Variants in NOX5 observed in about 807,000 individuals in gnomAD.
NOX5 encodes the protein NADPH oxidase 5, also known as NADPH oxidase, EF-hand calcium binding domain 5.
NOX5 carries 76 observed loss-of-function variants against 85.7 expected under a neutral mutation model. That is an observed-to-expected ratio of 0.89 (90% confidence interval 0.74 to 1.07). The LOEUF is 1.07. Ranked by LOEUF, NOX5 falls within the 50% of genes least tolerant of loss-of-function variation. NOX5 has a pLI of 0.00. For missense variants in NOX5, 973 were observed against 999.5 expected (o/e 0.97, Z 0.36); for synonymous variants, 405 against 401.4 (o/e 1.01, Z -0.11).
At position 69,049,114 on chromosome 15, in the gene NOX5, C is replaced by G. The variant is rs143335286; in HGVS notation, c.1999+56C>G. ...GGAGTAGGGCAGGGGCCTTCAGCTT[C>G]TTTAAAAAAATAATTTATTGATATG... On this transcript the variant is annotated intron_variant, in intron 14 of 15. Transcript: ENST00000388866. 8.4e-5 allele frequency: 93 copies of G among 1,108,898 alleles called. No homozygotes were observed. In the African/African-American group the frequency reaches 1.2e-3, roughly 14 times the overall value. 68.7% of individuals were successfully genotyped at this position (1,108,898 alleles called of 1,614,324 possible). A position where few individuals can be genotyped will look rare whatever the true frequency, so the allele number is the denominator to read the frequency against.
chr15:69,055,862 G>A (rs933696172), intron 15 of NOX5, among the ~76,000 whole-genome samples: 3 of 152,222 alleles, frequency 2.0e-5, no homozygotes, highest in Non-Finnish European at 4.4e-5. Context: ...CTGAGGCACA[G>A]AGACATGAAA....
Position 69,059,230 on chromosome 15 carries a change from T to G in NOX5, c.*2534T>G, listed in dbSNP as rs1326345321. On this transcript the variant is annotated 3_prime_UTR_variant, in exon 16 of 16. Coordinates refer to ENST00000388866, the MANE Select transcript of NOX5 (RefSeq NM_024505.4). ...ACCATATGCCCGTGTCCTGAGGTTT[T>G]CTCTCCAGACAGATTCCAGTTGCCC... 1 of 152,162 alleles carries G rather than the reference T, an allele frequency of 6.6e-6. No individual in the cohort carries two copies. The highest frequency in any genetic ancestry group is 1.5e-5 in the Non-Finnish European group (1 of 68,052). 9.4% of individuals were successfully genotyped at this position (152,162 alleles called of 1,614,324 possible). A position where few individuals can be genotyped will look rare whatever the true frequency, so the allele number is the denominator to read the frequency against.
chr15:69,026,377 C>A, intron 1 of NOX5, 151 bp from the exon 2 acceptor site: 1 of 867,458 alleles, frequency 1.2e-6, no homozygotes, highest in Non-Finnish European at 1.7e-6. Flanking sequence ...CTGTGGGAAG[C>A]TCCAATCCAC....
intron 10 of NOX5, among the ~76,000 whole-genome samples, chr15:69,044,132 C>T (rs1293835171): frequency 2.0e-5 from 3 of 150,920 alleles, no homozygotes; most frequent in East Asian, 1.9e-4. Flanking sequence ...TGCAGTGAGT[C>T]GAGATTACAC....
chr15:69,050,981 A>C (rs957752252), intron 14 of NOX5, among the ~76,000 whole-genome samples: 9 of 152,298 alleles, frequency 5.9e-5, no homozygotes, highest in African/African-American at 1.7e-4. Flanking sequence ...TCTTTCACAC[A>C]TTCAAATTAA....
Position 69,035,383 on chromosome 15 carries a change from G to T in NOX5, c.885G>T (p.Trp295Cys). 1 of 1,614,180 alleles carries T rather than the reference G, an allele frequency of 6.2e-7. No homozygotes were observed. The highest frequency in any genetic ancestry group is 1.7e-5 in the Admixed American group (1 of 60,022). ...TGATGCTCAGACGCTGCCTCACCTG[G>T]CTGCGGGCCACGTGGCTGGCTCAAG... The part of the protein sequence containing the change: ...AVLMLRRCLT[W>C]LRATWLAQVL... Residue 295 changes from tryptophan to cysteine, a missense_variant, in exon 6 of 16, where the codon TGG becomes TGT. Transcript: ENST00000388866.
intron 9 of NOX5, among the ~76,000 whole-genome samples, chr15:69,039,331 AG>A (rs2050563178): frequency 7.0e-6 from 1 of 143,362 alleles, no homozygotes; most frequent in Admixed American, 7.1e-5. Context: ...TAAAAACATG[AG>A]GACCTGGAAA....
At chr15:69,043,857 C>T (rs986164487) in intron 10 of NOX5, among the ~76,000 whole-genome samples, 2 of 152,218 alleles carry the variant, frequency 1.3e-5, no homozygotes, top group African/African-American at 2.4e-5. Flanking sequence ...TATACCTACA[C>T]ACCCAGCAAC....
At chr15:69,034,494 G>A (rs1252194501) in intron 5 of NOX5, among the ~76,000 whole-genome samples, 1 of 152,174 alleles carries the variant, frequency 6.6e-6, no homozygotes, top group Non-Finnish European at 1.5e-5. Context: ...TGGTTTCTCT[G>A]CTGGGAAACT....
intron 9 of NOX5, among the ~76,000 whole-genome samples, chr15:69,040,782 G>A (rs1473350946): frequency 1.3e-5 from 2 of 151,960 alleles, no homozygotes; most frequent in East Asian, 1.9e-4. Flanking sequence ...CGCCTCCCGG[G>A]TTCTTCTGCT....
In NOX5 at chr15:69,028,363, A is replaced by G. The variant is rs755140225; in HGVS notation, c.323A>G (p.Asp108Gly). The G allele has an allele frequency of 6.3e-7, 1 of 1,598,196 alleles. No homozygotes were observed. Among genetic ancestry groups the G allele is most frequent in the South Asian group, 1.1e-5 (1 of 88,186 alleles). Residue 108 changes from aspartate (D) to glycine (G), a missense_variant and splice_region_variant, in exon 3 of 16, where the codon GAT becomes GGT. By Grantham distance (94) the Asp-to-Gly change is moderately conservative. Coordinates refer to ENST00000388866, the MANE Select transcript of NOX5 (RefSeq NM_024505.4). ...TTCCTCTTCCAGGTGTATGACATCG[A>G]TGGTAAGGGCTCTTCCTGGGTGTGG... Reference protein sequence around the residue: ...LKFLFQVYDIDVCARQGASAG... With the variant: ...LKFLFQVYDIGVCARQGASAG...
chr15:69,031,381 G>A (rs898904408), intron 3 of NOX5, 137 bp from the exon 4 acceptor site: 1 of 973,468 alleles, frequency 1.0e-6, no homozygotes, highest in East Asian at 2.5e-5. Context: ...TGTTGAGCTA[G>A]GCAGTCGGGA....
chr15:69,054,028 A>T (rs962272074), intron 14 of NOX5, among the ~76,000 whole-genome samples: 1 of 152,186 alleles, frequency 6.6e-6, no homozygotes. Flanking sequence ...GCAGGTTGGA[A>T]TGGCAAAGCT....
chr15:69,045,282 C>G (rs1447009594), intron 10 of NOX5, among the ~76,000 whole-genome samples: 1 of 152,230 alleles, frequency 6.6e-6, no homozygotes, highest in Non-Finnish European at 1.5e-5. Context: ...CCCAACATTA[C>G]TTTAAACTTA....
chr15:69,018,259 C>G (rs2050254512), intron 1 of NOX5, among the ~76,000 whole-genome samples: 1 of 152,004 alleles, frequency 6.6e-6, no homozygotes, highest in Admixed American at 6.5e-5. Context: ...AGGGCCAGGC[C>G]TGGGGACCGG....
chr15:69,035,952 C>G lies in NOX5; in HGVS notation c.1188+16C>G. 1 of 1,613,420 alleles carries G rather than the reference C, an allele frequency of 6.2e-7. No homozygotes were observed. Among genetic ancestry groups the G allele is most frequent in the Non-Finnish European group, 8.5e-7 (1 of 1,179,516 alleles). ...CCACTTTGAGGTGCCCCAGTTGCTGCCCTTTTGCTTCCCCCAAGGCCAGGG... is the reference window on the plus strand; with the variant it reads ...CCACTTTGAGGTGCCCCAGTTGCTGGCCTTTTGCTTCCCCCAAGGCCAGGG... On this transcript the variant is annotated intron_variant, in intron 7 of 15. Transcript: ENST00000388866.
intron 8 of NOX5, 39 bp downstream of exon 8, chr15:69,037,249 A>C: frequency 6.4e-7 from 1 of 1,570,266 alleles, no homozygotes; most frequent in Non-Finnish European, 8.7e-7. Flanking sequence ...TTTCCAACTC[A>C]CCCCAAGGGA....
At chr15:69,020,679 T>C (rs1336196819) in intron 1 of NOX5, among the ~76,000 whole-genome samples, 2 of 151,862 alleles carry the variant, frequency 1.3e-5, no homozygotes, top group Admixed American at 6.6e-5. Flanking sequence ...TAGATAGATA[T>C]AGATCATTGA....
chr15:69,037,217 A>G lies in NOX5; in HGVS notation c.1371+7A>G, dbSNP rs2050532012. ...CAACCTCCTCCCCTCCAAGGTACAA[A>G]GGTGGGGGATGGGGAGGTGCTTTTC... On this transcript the variant is annotated splice_region_variant and intron_variant, in intron 8 of 15. Transcript: ENST00000388866. The G allele has an allele frequency of 6.2e-7, 1 of 1,611,290 alleles. No homozygotes were observed. Among genetic ancestry groups the G allele is most frequent in the African/African-American group, 1.3e-5 (1 of 74,854 alleles).
Sources: gnomAD v4.1 joint callset for allele counts (sites outside exome capture counted in the v4.1 genomes callset) on GRCh38, gnomAD v4.1.1 for gene constraint, MANE v1.5 for transcripts, NCBI Gene and HGNC (gene_info 2026-07-23, HGNC 2026-07-21) for gene names.